The following B3GALT1 variants were observed in gnomAD, a reference collection of about 807,000 sequenced individuals.
B3GALT1 encodes the protein beta-1,3-galactosyltransferase 1, also known as UDP-Gal:betaGlcNAc beta 1,3-galactosyltransferase, polypeptide 1.
In B3GALT1, 10 loss-of-function variants were observed where a neutral mutation model predicts 23.2. The observed-to-expected ratio is 0.43, with a 90% CI of 0.27 to 0.73. B3GALT1 has a LOEUF of 0.73. B3GALT1 is among the 30% of genes least tolerant of loss of function. B3GALT1 has a pLI of 0.21. For synonymous variants in B3GALT1, 156 were observed against 141.5 expected, an observed-to-expected ratio of 1.10 and a Z score of -0.73; for missense variants, 299 against 405.4, an observed-to-expected ratio of 0.74 and a Z score of 2.25.
In B3GALT1 at chr2:167,555,170, T is replaced by C. The variant is rs73026048; in HGVS notation, c.-410+64893T>C. ...GTTTCTATCCAATCTATTGGGAAAA[T>C]CTCAGGGAAACAATAGAAGATAGAG... is the stretch of plus-strand genomic sequence containing the variant. On this transcript the variant is annotated intron_variant, in intron 2 of 4. Transcript: ENST00000392690. Among the ~76,000 whole-genome samples, 946 of 152,212 alleles carry C rather than the reference T, an allele frequency of 6.2e-3. 10 individuals carry two copies. Among genetic ancestry groups the C allele is most frequent in the African/African-American group, 0.022 (919 of 41,532 alleles).
intron 3 of B3GALT1, among the ~76,000 whole-genome samples, chr2:167,691,958 T>G (rs147465930): frequency 8.9e-4 from 136 of 152,262 alleles, no homozygotes; most frequent in African/African-American, 3.0e-3. Context: ...GCTAAATATA[T>G]GTGAGGCCTA....
intron 1 of B3GALT1, among the ~76,000 whole-genome samples, chr2:167,423,819 C>G (rs763207605): frequency 2.6e-4 from 39 of 152,136 alleles, no homozygotes; most frequent in Non-Finnish European, 4.9e-4. Context: ...GAATATAATT[C>G]CCCCCACTTC....
At chr2:167,629,724 T>G (rs993698673) in intron 2 of B3GALT1, among the ~76,000 whole-genome samples, 3 of 151,770 alleles carry the variant, frequency 2.0e-5, no homozygotes, top group Non-Finnish European at 4.4e-5. Context: ...AATAAATTAC[T>G]ACAGAAATAA....
rs201728418 is a variant in B3GALT1 at position 167,353,900 on chromosome 2, TGTG to T, written c.-511+60569_-511+60571del. ...AATACAAATCCTCCTTTTTTTTTCTTGTGGTAATAAAGGGTGATATAAATATGG... is the reference window on the plus strand; with the variant it reads ...AATACAAATCCTCCTTTTTTTTTCTTGTAATAAAGGGTGATATAAATATGG... On this transcript the variant is annotated intron_variant, in intron 1 of 4. Transcript: ENST00000392690. Among the ~76,000 whole-genome samples, 262 of 152,280 alleles carry T rather than the reference TGTG, an allele frequency of 1.7e-3. 1 individual carries two copies. In the East Asian group the frequency reaches 0.018, roughly 10 times the overall value.
intron 1 of B3GALT1, among the ~76,000 whole-genome samples, chr2:167,363,151 G>A (rs564282281): frequency 4.4e-4 from 67 of 151,672 alleles, no homozygotes; most frequent in Admixed American, 9.2e-4. Flanking sequence ...CACCACGCCC[G>A]GCCTAAGGCT....
chr2:167,481,048 C>T (rs1449054545), intron 1 of B3GALT1, among the ~76,000 whole-genome samples: 1 of 152,096 alleles, frequency 6.6e-6, no homozygotes, highest in Non-Finnish European at 1.5e-5. Context: ...CTTTTTTTCT[C>T]TCCAGCAGCT....
At chr2:167,438,212 C>T (rs1386175012) in intron 1 of B3GALT1, among the ~76,000 whole-genome samples, 1 of 152,198 alleles carries the variant, frequency 6.6e-6, no homozygotes, top group Admixed American at 6.5e-5. Flanking sequence ...ACATAGACCA[C>T]GAGAGGGGCA....
At chr2:167,823,386 T>C (rs1487807271) in intron 4 of B3GALT1, among the ~76,000 whole-genome samples, 1 of 152,172 alleles carries the variant, frequency 6.6e-6, no homozygotes, top group Non-Finnish European at 1.5e-5. Flanking sequence ...TAACTGTGTG[T>C]AAAATTAAAC....
intron 4 of B3GALT1, among the ~76,000 whole-genome samples, chr2:167,851,461 T>C (rs1689885367): frequency 6.6e-6 from 1 of 152,134 alleles, no homozygotes; most frequent in Non-Finnish European, 1.5e-5. Flanking sequence ...AAGCTGTGAG[T>C]AAAAACAAAA....
intron 1 of B3GALT1, among the ~76,000 whole-genome samples, chr2:167,309,923 T>C (rs1696611750): frequency 6.6e-6 from 1 of 152,114 alleles, no homozygotes; most frequent in African/African-American, 2.4e-5. Context: ...ATTTGGATAC[T>C]GCATGCATGC....
intron 1 of B3GALT1, among the ~76,000 whole-genome samples, chr2:167,435,433 CAAAAAAAAAAAAAAAA>C (rs1159357073): frequency 7.6e-5 from 2 of 26,192 alleles, no homozygotes; most frequent in Non-Finnish European, 1.7e-4. Flanking sequence ...CATATGCTTG[CAAAAAAAAAAAAAAAA>C]AAAAAAAAAA....
At chr2:167,478,442 C>G (rs187934049) in intron 1 of B3GALT1, among the ~76,000 whole-genome samples, 1 of 152,206 alleles carries the variant, frequency 6.6e-6, no homozygotes, top group Admixed American at 6.5e-5. Flanking sequence ...CTCGGTAATC[C>G]ATGAAGTCCC....
intron 3 of B3GALT1, among the ~76,000 whole-genome samples, chr2:167,808,740 G>T (rs1262686266): frequency 2.0e-5 from 3 of 152,004 alleles, no homozygotes; most frequent in African/African-American, 7.2e-5. Flanking sequence ...TTCAACTTTG[G>T]TGAATCTGAC....
At chr2:167,414,135 C>G (rs1294348723) in intron 1 of B3GALT1, among the ~76,000 whole-genome samples, 2 of 151,808 alleles carry the variant, frequency 1.3e-5, no homozygotes, top group African/African-American at 4.8e-5. Flanking sequence ...AAATGGAGAC[C>G]CAGAGAAAGA....
At chr2:167,827,692 C>T (rs1184648236) in intron 4 of B3GALT1, among the ~76,000 whole-genome samples, 1 of 152,142 alleles carries the variant, frequency 6.6e-6, no homozygotes, top group East Asian at 1.9e-4. Context: ...TATCCAAAGT[C>T]CTTCGCAAGC....
intron 3 of B3GALT1, among the ~76,000 whole-genome samples, chr2:167,713,143 T>C (rs1444585924): frequency 6.6e-6 from 1 of 152,224 alleles, no homozygotes; most frequent in Admixed American, 6.5e-5. Context: ...AACATAGATC[T>C]ATTTACGAAC....
At chr2:167,420,007 A>G (rs146512369) in intron 1 of B3GALT1, among the ~76,000 whole-genome samples, 1 of 152,194 alleles carries the variant, frequency 6.6e-6, no homozygotes, top group African/African-American at 2.4e-5. Context: ...TATCATCTTG[A>G]TGGGATCCCT....
chr2:167,430,749 T>G (rs1357299698), intron 1 of B3GALT1, among the ~76,000 whole-genome samples: 1 of 152,132 alleles, frequency 6.6e-6, no homozygotes, highest in African/African-American at 2.4e-5. Flanking sequence ...GAGCCAGTTT[T>G]GGGGAAATTA....
In B3GALT1 at chr2:167,328,283, T is replaced by A. The variant is rs185888862; in HGVS notation, c.-511+34949T>A. Among the ~76,000 whole-genome samples the A allele has an allele frequency of 3.7e-3, 557 of 152,336 alleles. 6 individuals carry two copies. The highest frequency in any genetic ancestry group is 5.1e-3 in the Non-Finnish European group (350 of 68,018). On this transcript the variant is annotated intron_variant, in intron 1 of 4. Transcript: ENST00000392690. ...TCTTCTTCAATTTTTTGGGAAAAGT[T>A]TAGAGAACACTGGTGTTAGTTCATC... is the stretch of plus-strand genomic sequence containing the variant.
Sources: gnomAD v4.1 joint callset for allele counts (sites outside exome capture counted in the v4.1 genomes callset) on GRCh38, gnomAD v4.1.1 for gene constraint, MANE v1.5 for transcripts, NCBI Gene and HGNC (gene_info 2026-07-23, HGNC 2026-07-21) for gene names.